The following DENND3 variants were observed in gnomAD, a reference collection of about 807,000 sequenced individuals.
DENND3 encodes DENN domain containing 3.
Under a neutral mutation model 135.1 loss-of-function variants are expected in DENND3, and 88 were observed. That is an observed-to-expected ratio of 0.65 (90% CI 0.55 to 0.78). The LOEUF is 0.78. Among genes scored for constraint, DENND3 ranks in the 30% least tolerant of loss-of-function variants. DENND3 has a pLI of 0.00. For synonymous variants in DENND3, 693 were observed against 712.3 expected, an observed-to-expected ratio of 0.97 and a Z score of 0.43; for missense variants, 1,392 against 1,688.4, an observed-to-expected ratio of 0.82 and a Z score of 3.08.
At chr8:141,193,865 G>A (rs1825094426) in intron 22 of DENND3, 168 bp from the exon 23 acceptor site, 1 of 686,110 alleles carries the variant, frequency 1.5e-6, no homozygotes, top group Admixed American at 2.8e-5. Context: ...GCCCGAGAAG[G>A]GTCCTGTGCA....
chr8:141,166,546 G>A lies in DENND3; in HGVS notation c.1753+157G>A, dbSNP rs73362467. Among the ~76,000 whole-genome samples, 2,101 of 152,316 alleles carry A rather than the reference G, an allele frequency of 0.014. 45 individuals carry two copies. Among genetic ancestry groups the A allele is most frequent in the African/African-American group, 0.048 (1,979 of 41,550 alleles). On this transcript the variant is annotated intron_variant, in intron 12 of 22. Transcript: ENST00000519811. This position sits in a 1 kb window ranked among gnomAD's most constrained non-coding sequence, Gnocchi z 4.3. Reference sequence around the variant, plus strand: ...TGTTTAGAATATTCATTTTGCCAAGGTATGCCTTCTAGAAAATTATTTCTC... The same window carrying A: ...TGTTTAGAATATTCATTTTGCCAAGATATGCCTTCTAGAAAATTATTTCTC...
At chr8:141,151,523 T>G (rs1749651133) in intron 6 of DENND3, 96 bp from the exon 7 acceptor site, 1 of 1,180,812 alleles carries the variant, frequency 8.5e-7, no homozygotes. Flanking sequence ...ATCACACCAC[T>G]GCACTCCAGC....
At chr8:141,136,471 G>C in intron 1 of DENND3, 38 bp from the exon 2 acceptor site, 1 of 1,510,018 alleles carries the variant, frequency 6.6e-7, no homozygotes, top group Middle Eastern at 1.7e-4. Flanking sequence ...AACAAGAGCT[G>C]AGGCTGTGGC....
At chr8:141,191,517 AC>A (rs1367386376) in intron 20 of DENND3, 6 of 152,230 alleles carry the variant, frequency 3.9e-5, no homozygotes, top group Admixed American at 3.9e-4. Context: ...CTTCCACGCC[AC>A]CCGCAGTCTC....
At position 141,163,344 on chromosome 8, in the gene DENND3, A is replaced by G. The variant is rs760940061; in HGVS notation, c.1364A>G (p.Asn455Ser). ...TTTCTCTTTGTTAGGGATGTAAAGA[A>G]TCATTTAAACTATGAACACAGAGTC... ...LLVSIFRDVK[N>S]HLNYEHRVFN... Residue 455 changes from asparagine (N) to serine (S), a missense_variant, in exon 10 of 23, where the codon AAT becomes AGT. Coordinates refer to ENST00000519811, the MANE Select transcript of DENND3 (RefSeq NM_001352890.3). The G allele has an allele frequency of 1.2e-6, 2 of 1,601,148 alleles. No individual in the cohort carries two copies. The highest frequency in any genetic ancestry group is 1.7e-6 in the Non-Finnish European group (2 of 1,170,520).
At chr8:141,152,734 T>C (rs1818947555) in intron 7 of DENND3, among the ~76,000 whole-genome samples, 2 of 152,370 alleles carry the variant, frequency 1.3e-5, no homozygotes, top group South Asian at 4.1e-4. Flanking sequence ...TGTGTGGATA[T>C]GTGCTTTCGT....
At chr8:141,149,159 C>T (rs550717863) in intron 5 of DENND3, among the ~76,000 whole-genome samples, 20 of 152,332 alleles carry the variant, frequency 1.3e-4, no homozygotes, top group Admixed American at 1.3e-3. Context: ...ATCCGCCCGC[C>T]TCAGCCTCCC....
chr8:141,135,020 T>C (rs1816620028), intron 1 of DENND3, among the ~76,000 whole-genome samples: 3 of 152,140 alleles, frequency 2.0e-5, no homozygotes, highest in Non-Finnish European at 4.4e-5. Context: ...TTTGTATTTT[T>C]AGTAGAGACG....
At chr8:141,162,658 G>A (rs1470569445) in intron 9 of DENND3, among the ~76,000 whole-genome samples, 1 of 152,128 alleles carries the variant, frequency 6.6e-6, no homozygotes, top group Non-Finnish European at 1.5e-5. Context: ...GAAGTGGGCC[G>A]GGCTCGGTGG....
intron 16 of DENND3, 151 bp downstream of exon 16, chr8:141,178,347 C>T: frequency 8.3e-7 from 1 of 1,203,282 alleles, no homozygotes; most frequent in Non-Finnish European, 1.1e-6. Context: ...GAGTCGCACA[C>T]CTTATCCGGC....
intron 7 of DENND3, among the ~76,000 whole-genome samples, 161 bp from the exon 8 acceptor site, chr8:141,155,688 T>C (rs2154612992): frequency 6.6e-6 from 1 of 152,322 alleles, no homozygotes; most frequent in East Asian, 1.9e-4. Flanking sequence ...ATTACAGGTA[T>C]GAGTCACTGC....
At chr8:141,164,094 C>T (rs925371001) in intron 10 of DENND3, among the ~76,000 whole-genome samples, 3 of 152,140 alleles carry the variant, frequency 2.0e-5, no homozygotes, top group African/African-American at 7.2e-5. Flanking sequence ...GTGTGCATCC[C>T]CGTAGACGGC....
Position 141,128,915 on chromosome 8 carries a change from G to A in DENND3, c.102+106G>A. The A allele has an allele frequency of 1.2e-6, 1 of 842,298 alleles. No homozygotes were observed. Among genetic ancestry groups the A allele is most frequent in the Non-Finnish European group, 1.6e-6 (1 of 609,552 alleles). 52.2% of individuals were successfully genotyped at this position (842,298 alleles called of 1,614,324 possible). Reference sequence around the variant, plus strand: ...CCCTGTGGGTTGGCGCGGACTTTCCGAGGGCTGAGTCCCGGTCCCCCGGCG... The same window carrying A: ...CCCTGTGGGTTGGCGCGGACTTTCCAAGGGCTGAGTCCCGGTCCCCCGGCG... On this transcript the variant is annotated intron_variant, in intron 1 of 22. Transcript: ENST00000519811. The surrounding 1 kb of genome is among the most constrained non-coding windows in gnomAD (Gnocchi z 4.5).
At position 141,128,594 on chromosome 8, in the gene DENND3, C is replaced by G. The variant is rs1020147918; in HGVS notation, c.-114C>G. The stretch of plus-strand genomic sequence containing the variant: ...CCCGCCTCCAGCCCCGCCCCGCAGA[C>G]GGCGCTCGCAGCGCCCCCGGCCCCC... On this transcript the variant is annotated 5_prime_UTR_variant, in exon 1 of 23. Transcript: ENST00000519811. The surrounding 1 kb of genome is among the most constrained non-coding windows in gnomAD (Gnocchi z 4.5). The G allele has an allele frequency of 4.2e-6, 2 of 471,934 alleles. No homozygotes were observed. Among genetic ancestry groups the G allele is most frequent in the African/African-American group, 4.2e-5 (2 of 47,672 alleles). The allele number at this position is 471,934 out of a possible 1,614,324, so 29.2% of individuals were successfully genotyped here. A position where few individuals can be genotyped will look rare whatever the true frequency, so the allele number is the denominator to read the frequency against.
chr8:141,145,828 TATATATATATATATATATATATG>T (rs1375837157), intron 5 of DENND3, among the ~76,000 whole-genome samples: 1,640 of 90,684 alleles, frequency 0.018, 105 homozygotes, highest in East Asian at 0.16. Flanking sequence ...TATATATATA[TATATATATATATATATATATATG>T]TATTTTTTTT....
rs1824340693 is a variant in DENND3, at chr8:141,189,157, C to T, written c.3245+11C>T. The T allele has an allele frequency of 6.2e-7, 1 of 1,614,048 alleles. No homozygotes were observed. The highest frequency in any genetic ancestry group is 1.1e-5 in the South Asian group (1 of 91,076). ...ACAGGAGGCACCCAGGTGCAGTAAG[C>T]TCTGCTGGGGAGAAGGGACTGTTTG... On this transcript the variant is annotated intron_variant, in intron 19 of 22. Transcript: ENST00000519811.
Position 141,144,833 on chromosome 8 carries a change from C to G in DENND3, c.735+574C>G, listed in dbSNP as rs1817860006. ...CACACAAAGCAAGGGTTAAGTCACT[C>G]CCTACAAACCATAAGAGCTCCTTAA... On this transcript the variant is annotated intron_variant, in intron 5 of 22. Transcript: ENST00000519811. This position sits in a 1 kb window ranked among gnomAD's most constrained non-coding sequence, Gnocchi z 4.4. Among the ~76,000 whole-genome samples, 1 of 152,188 alleles carries G rather than the reference C, an allele frequency of 6.6e-6. No homozygotes were observed. The highest frequency in any genetic ancestry group is 2.4e-5 in the African/African-American group (1 of 41,438).
chr8:141,191,412 A>G (rs1204456496), intron 20 of DENND3: 1 of 152,282 alleles, frequency 6.6e-6, no homozygotes, highest in East Asian at 1.9e-4. Flanking sequence ...CATATGGAAC[A>G]TGCTCATCCT....
rs1824898066 is a variant in DENND3 at position 141,192,562 on chromosome 8, G to A, written c.3535G>A (p.Glu1179Lys). The A allele has an allele frequency of 3.8e-6, 6 of 1,582,610 alleles. No individual in the cohort carries two copies. Among genetic ancestry groups the A allele is most frequent in the African/African-American group, 2.7e-5 (2 of 74,194 alleles). ...GTGGGCGGCCTGTGCAGGACGCAGC[G>A]AGGTTTACATCTGGAGCCTGAAGGA... Reference protein sequence around the residue: ...QLWAACAGRSEVYIWSLKDLA... With the variant: ...QLWAACAGRSKVYIWSLKDLA... Residue 1179 changes from glutamate (E) to lysine (K), a missense_variant, in exon 22 of 23, where the codon GAG becomes AAG. Physicochemically the swap from Glu to Lys is moderately conservative, Grantham distance 56 (BLOSUM62 1). Transcript: ENST00000519811.
Sources: allele counts gnomAD v4.1 joint callset (sites outside exome capture counted in the v4.1 genomes callset), GRCh38; gene constraint gnomAD v4.1.1; non-coding constraint Gnocchi (gnomAD v3.1); transcripts MANE v1.5; gene names NCBI Gene and HGNC (gene_info 2026-07-23, HGNC 2026-07-21).